The following OPHN1 variants were observed in gnomAD, a reference collection of about 807,000 sequenced individuals.
OPHN1 encodes the protein oligophrenin 1.
In OPHN1, 11 loss-of-function variants were observed where a neutral mutation model predicts 60.7. That is an observed-to-expected ratio of 0.18 (90% confidence interval 0.11 to 0.30). The LOEUF (loss-of-function observed/expected upper bound fraction) is 0.30. OPHN1 is among the 10% of genes least tolerant of loss of function. The pLI is 1.00. For synonymous variants in OPHN1, 226 were observed against 222.6 expected (o/e 1.02, Z -0.14); for missense variants, 449 against 611.0 (o/e 0.73, Z 2.80).
At chrX:68,107,702 G>A (rs186573376) in intron 18 of OPHN1, among the ~76,000 whole-genome samples, 2 of 110,695 alleles carry the variant, frequency 1.8e-5, no homozygotes, top group East Asian at 2.9e-4. Flanking sequence ...TCTCGAACTC[G>A]TTACCTCAGG....
intron 2 of OPHN1, among the ~76,000 whole-genome samples, chrX:68,394,492 T>A (rs868511068): frequency 5.2e-4 from 59 of 112,398 alleles, no homozygotes; most frequent in Middle Eastern, 9.2e-3. Context: ...CAAAAAATTG[T>A]ATCTTTATTT....
At chrX:68,104,266 TC>T (rs918596312) in intron 18 of OPHN1, among the ~76,000 whole-genome samples, 6 of 111,710 alleles carry the variant, frequency 5.4e-5, no homozygotes, top group African/African-American at 2.0e-4. Flanking sequence ...TTCAATGCTA[TC>T]CCCATCAAGC....
At chrX:68,172,177 T>C (rs190080592) in intron 15 of OPHN1, among the ~76,000 whole-genome samples, 8 of 112,305 alleles carry the variant, frequency 7.1e-5, no homozygotes, top group Admixed American at 5.7e-4. Flanking sequence ...AAAGTATTCA[T>C]GATGATTTAT....
At chrX:68,252,734 G>A (rs2077842159) in intron 5 of OPHN1, among the ~76,000 whole-genome samples, 1 of 111,658 alleles carries the variant, frequency 9.0e-6, no homozygotes, top group Admixed American at 9.6e-5. Flanking sequence ...TTTAACTATT[G>A]AATTCTGGTT....
Position 68,143,595 on chromosome X carries a change from T to C in OPHN1, c.1277-24263A>G, listed in dbSNP as rs538665244. ...TACAATGTGGTTTATGCTGAATACC[T>C]GCATTCCTTCTGGGGGTCTAGCATT... On this transcript the variant is annotated intron_variant, in intron 15 of 24. Transcript: ENST00000355520. Among the ~76,000 whole-genome samples, 3 of 111,813 alleles carry C rather than the reference T, an allele frequency of 2.7e-5. No homozygotes were observed. In the South Asian group the frequency reaches 1.1e-3, roughly 43 times the overall value.
At chrX:68,209,944 A>G (rs2077576868) in intron 9 of OPHN1, 1 of 455,847 alleles carries the variant, frequency 2.2e-6, no homozygotes, top group Non-Finnish European at 3.9e-6. Context: ...AGGTCTTATC[A>G]CTACACAGCC....
chrX:68,406,104 C>T (rs970907840), intron 2 of OPHN1, among the ~76,000 whole-genome samples: 1 of 107,337 alleles, frequency 9.3e-6, no homozygotes, highest in Non-Finnish European at 1.9e-5. Flanking sequence ...GCTGAGATCA[C>T]GCCACTGAAC....
At chrX:68,162,380 A>G (rs1000918741) in intron 15 of OPHN1, among the ~76,000 whole-genome samples, 1 of 110,282 alleles carries the variant, frequency 9.1e-6, no homozygotes, top group South Asian at 3.8e-4. Flanking sequence ...ACCAAATTTT[A>G]TTATAAATTA....
At chrX:68,377,957 G>T (rs2078569948) in intron 2 of OPHN1, among the ~76,000 whole-genome samples, 1 of 111,858 alleles carries the variant, frequency 8.9e-6, no homozygotes, top group South Asian at 3.7e-4. Context: ...GTAATGGGAT[G>T]GCTGGGTCAA....
At chrX:68,336,929 T>C (rs1569284524) in intron 2 of OPHN1, among the ~76,000 whole-genome samples, 2 of 110,235 alleles carry the variant, frequency 1.8e-5, no homozygotes, top group African/African-American at 6.6e-5. Flanking sequence ...GGCATGGTGG[T>C]ACGCATCTAT....
intron 2 of OPHN1, among the ~76,000 whole-genome samples, chrX:68,350,899 CT>C (rs1460926212): frequency 2.7e-5 from 3 of 110,614 alleles, no homozygotes; most frequent in African/African-American, 9.9e-5. Flanking sequence ...CACACAGGGT[CT>C]TTTAGTGACT....
At chrX:68,086,768 G>A (rs938815135) in intron 19 of OPHN1, among the ~76,000 whole-genome samples, 2 of 111,782 alleles carry the variant, frequency 1.8e-5, no homozygotes, top group Non-Finnish European at 3.8e-5. Flanking sequence ...CACTGTAGTG[G>A]TTCTTCTGTA....
intron 2 of OPHN1, chrX:68,336,337 A>T (rs959447085): frequency 6.3e-5 from 7 of 110,364 alleles, no homozygotes; most frequent in African/African-American, 2.3e-4. Context: ...AACCTGGGCA[A>T]CAGACTGAGA....
At chrX:68,234,423 A>G in intron 6 of OPHN1, 64 bp downstream of exon 6, 1 of 910,586 alleles carries the variant, frequency 1.1e-6, no homozygotes, top group Non-Finnish European at 1.6e-6. Context: ...TTGCAGTACA[A>G]AATTCACACT....
chrX:68,306,835 A>C (rs772331485), intron 2 of OPHN1, among the ~76,000 whole-genome samples: 43 of 110,758 alleles, frequency 3.9e-4, no homozygotes, highest in Non-Finnish European at 7.0e-4. Flanking sequence ...TGATCCTCCC[A>C]CCTCAGCCTC....
At chrX:68,081,863 T>C (rs1377204287) in intron 19 of OPHN1, among the ~76,000 whole-genome samples, 1 of 111,779 alleles carries the variant, frequency 8.9e-6, no homozygotes, top group Non-Finnish European at 1.9e-5. Flanking sequence ...AAAATTTCTC[T>C]GTAGCATGCC....
intron 2 of OPHN1, among the ~76,000 whole-genome samples, chrX:68,405,980 A>G (rs184446732): frequency 9.3e-6 from 1 of 107,356 alleles, no homozygotes; most frequent in African/African-American, 3.4e-5. Flanking sequence ...CCCCATCTCT[A>G]CTAAAATACA....
intron 18 of OPHN1, among the ~76,000 whole-genome samples, chrX:68,099,717 C>T (rs1384963938): frequency 8.9e-6 from 1 of 112,486 alleles, no homozygotes; most frequent in Admixed American, 9.4e-5. Flanking sequence ...CGTGGGCATG[C>T]AGATCCAGTG....
chrX:68,337,227 T>C (rs759360189), intron 2 of OPHN1, among the ~76,000 whole-genome samples: 8 of 112,151 alleles, frequency 7.1e-5, no homozygotes, highest in Non-Finnish European at 1.1e-4. Flanking sequence ...ATGTTCATTT[T>C]TGTCTTTTTC....
Sources: allele counts gnomAD v4.1 joint callset (sites outside exome capture counted in the v4.1 genomes callset), GRCh38; gene constraint gnomAD v4.1.1; transcripts MANE v1.5; gene names NCBI Gene and HGNC (gene_info 2026-07-23, HGNC 2026-07-21).